SLC9A9: variants seen among roughly 807,000 people sequenced by gnomAD.
SLC9A9 encodes the protein solute carrier family 9 member A9.
SLC9A9 carries 62 observed loss-of-function variants against 77.8 expected under a neutral mutation model. The ratio of observed to expected loss-of-function variants is 0.80; its 90% CI spans 0.65 to 0.98. The LOEUF (loss-of-function observed/expected upper bound fraction) is 0.98, where lower values mean the gene tolerates loss of function less well. Among genes scored for constraint, SLC9A9 ranks in the 50% least tolerant of loss-of-function variants. The pLI is 0.00. For synonymous variants in SLC9A9, 320 were observed against 283.5 expected (o/e 1.13, Z -1.29); for missense variants, 775 against 774.9 (o/e 1.00, Z 0.00).
chr3:143,784,895 A>T (rs1196603905), intron 4 of SLC9A9, among the ~76,000 whole-genome samples: 3 of 152,158 alleles, frequency 2.0e-5, no homozygotes, highest in African/African-American at 7.2e-5. Flanking sequence ...TATAAAAAGG[A>T]TGCCAGAGAG....
chr3:143,406,646 T>A (rs1219895105), intron 12 of SLC9A9, among the ~76,000 whole-genome samples: 1 of 152,194 alleles, frequency 6.6e-6, no homozygotes, highest in African/African-American at 2.4e-5. Context: ...CTAGGAATTA[T>A]TTCATCATTA....
chr3:143,274,889 T>C (rs1157457377), intron 14 of SLC9A9, among the ~76,000 whole-genome samples: 1 of 152,224 alleles, frequency 6.6e-6, no homozygotes. Flanking sequence ...CTATAGATGG[T>C]TGTCATATAT....
intron 12 of SLC9A9, 125 bp from the exon 13 acceptor site, chr3:143,382,239 T>C: frequency 1.0e-6 from 1 of 986,954 alleles, no homozygotes; most frequent in Non-Finnish European, 1.6e-6. Context: ...AAAACTATCC[T>C]ACGTCTTCTT....
intron 4 of SLC9A9, among the ~76,000 whole-genome samples, chr3:143,732,813 G>C (rs1380046338): frequency 1.3e-5 from 2 of 152,146 alleles, no homozygotes; most frequent in Non-Finnish European, 1.5e-5. Flanking sequence ...GTGAACTCCA[G>C]AGAAAGAAAA....
chr3:143,391,266 G>A (rs2108505043), intron 12 of SLC9A9, among the ~76,000 whole-genome samples: 1 of 152,330 alleles, frequency 6.6e-6, no homozygotes, highest in African/African-American at 2.4e-5. Flanking sequence ...CCAGAGGAAC[G>A]ATCAGGCAGC....
At chr3:143,828,738 T>C (rs528604892) in intron 2 of SLC9A9, among the ~76,000 whole-genome samples, 2 of 152,260 alleles carry the variant, frequency 1.3e-5, no homozygotes, top group African/African-American at 4.8e-5. Context: ...GTGAAAGGAA[T>C]GACAGGTACA....
At chr3:143,844,348 G>A (rs1470643330) in intron 1 of SLC9A9, among the ~76,000 whole-genome samples, 1 of 25,842 alleles carries the variant, frequency 3.9e-5, no homozygotes, top group Non-Finnish European at 2.4e-4. Context: ...TGATAAAATA[G>A]ACTCAACATC....
At chr3:143,318,213 G>A (rs1396703636) in intron 14 of SLC9A9, among the ~76,000 whole-genome samples, 1 of 152,092 alleles carries the variant, frequency 6.6e-6, no homozygotes, top group Non-Finnish European at 1.5e-5. Context: ...ACTAATAAAT[G>A]TTCTTAAATA....
chr3:143,794,361 C>A (rs1304105763), intron 4 of SLC9A9, among the ~76,000 whole-genome samples: 1 of 151,438 alleles, frequency 6.6e-6, no homozygotes, highest in Admixed American at 6.6e-5. Flanking sequence ...ATGTATTGGA[C>A]GGGATTATCA....
At position 143,639,474 on chromosome 3, in the gene SLC9A9, A is replaced by G. The variant is rs115395278; in HGVS notation, c.755+12781T>C. 3.2e-3 allele frequency among the ~76,000 whole-genome samples: 487 copies of G among 152,312 alleles called. 6 individuals are homozygous for G. Among genetic ancestry groups the G allele is most frequent in the African/African-American group, 0.011 (468 of 41,556 alleles). Reference sequence around the variant, plus strand: ...AGATATTAAAGGACATTAGAGACAAATGACACTGATGCATCATGACAAAAG... The same window carrying G: ...AGATATTAAAGGACATTAGAGACAAGTGACACTGATGCATCATGACAAAAG... On this transcript the variant is annotated intron_variant, in intron 6 of 15. Coordinates refer to ENST00000316549, the MANE Select transcript of SLC9A9 (RefSeq NM_173653.4).
chr3:143,552,602 A>G (rs2036912757), intron 8 of SLC9A9, 152 bp from the exon 9 acceptor site: 1 of 667,764 alleles, frequency 1.5e-6, no homozygotes, highest in Non-Finnish European at 2.7e-6. Context: ...TAAATCTTGC[A>G]CTTGCTTTAA....
rs545141304 is a variant in SLC9A9, at chr3:143,289,698, C to G, written c.1605-20718G>C. Among the ~76,000 whole-genome samples the G allele has an allele frequency of 3.9e-5, 6 of 152,312 alleles. No individual in the cohort carries two copies. In the South Asian group the frequency reaches 8.3e-4, roughly 21 times the overall value. ...TCTGTCCATCCATCTATTCATCCATCTACTCCCTTTATCCCACAGCTGCTG... is the reference window on the plus strand; with the variant it reads ...TCTGTCCATCCATCTATTCATCCATGTACTCCCTTTATCCCACAGCTGCTG... On this transcript the variant is annotated intron_variant, in intron 14 of 15. Coordinates refer to ENST00000316549, the MANE Select transcript of SLC9A9 (RefSeq NM_173653.4).
intron 12 of SLC9A9, among the ~76,000 whole-genome samples, chr3:143,450,104 TAC>T (rs1423114709): frequency 8.1e-6 from 1 of 122,746 alleles, no homozygotes; most frequent in Non-Finnish European, 1.6e-5. Flanking sequence ...ATATATAATA[TAC>T]ATATTATATT....
At chr3:143,406,360 C>A (rs779022304) in intron 12 of SLC9A9, among the ~76,000 whole-genome samples, 4 of 151,920 alleles carry the variant, frequency 2.6e-5, no homozygotes, top group Non-Finnish European at 4.4e-5. Flanking sequence ...TATAGGATCA[C>A]TAAGATTTTA....
At chr3:143,430,596 G>A (rs530023487) in intron 12 of SLC9A9, among the ~76,000 whole-genome samples, 8 of 152,202 alleles carry the variant, frequency 5.3e-5, no homozygotes, top group Non-Finnish European at 1.2e-4. Flanking sequence ...TTCAGCAGCT[G>A]TTCTTTTGCT....
intron 5 of SLC9A9, among the ~76,000 whole-genome samples, chr3:143,684,355 A>G (rs1933194499): frequency 6.6e-6 from 1 of 152,086 alleles, no homozygotes; most frequent in African/African-American, 2.4e-5. Context: ...AATAATTTAC[A>G]TCAAATAGAT....
Position 143,303,951 on chromosome 3 carries a change from T to A in SLC9A9, c.1605-34971A>T, listed in dbSNP as rs529000833. Among the ~76,000 whole-genome samples the A allele has an allele frequency of 2.6e-5, 4 of 152,324 alleles. No homozygotes were observed. In the South Asian group the frequency reaches 8.3e-4, roughly 32 times the overall value. ...GAACTTTATTCATTCCAGGTTAGTC[T>A]TTAGAAAGCAAAACCAAAATACTCC... is the stretch of plus-strand genomic sequence containing the variant. On this transcript the variant is annotated intron_variant, in intron 14 of 15. Transcript: ENST00000316549.
intron 4 of SLC9A9, among the ~76,000 whole-genome samples, chr3:143,751,640 C>G (rs2006720666): frequency 6.6e-6 from 1 of 152,174 alleles, no homozygotes; most frequent in Non-Finnish European, 1.5e-5. Flanking sequence ...TTCCACAGGT[C>G]TGATCCCAAA....
At chr3:143,492,643 T>C (rs2035768066) in intron 11 of SLC9A9, among the ~76,000 whole-genome samples, 1 of 152,238 alleles carries the variant, frequency 6.6e-6, no homozygotes, top group Admixed American at 6.5e-5. Context: ...TCATAACCTT[T>C]TTGAGATCCT....
Sources: gnomAD v4.1 joint callset for allele counts (sites outside exome capture counted in the v4.1 genomes callset) on GRCh38, gnomAD v4.1.1 for gene constraint, MANE v1.5 for transcripts, NCBI Gene and HGNC (gene_info 2026-07-23, HGNC 2026-07-21) for gene names.